SLITRK4: variants seen among roughly 807,000 people sequenced by gnomAD.
The protein encoded by SLITRK4 is SLIT and NTRK-like protein 4.
Under a neutral mutation model 34.7 loss-of-function variants are expected in SLITRK4, and 7 were observed. The ratio of observed to expected loss-of-function variants is 0.20; its 90% CI spans 0.11 to 0.38. The LOEUF is 0.38. Among genes scored for constraint, SLITRK4 ranks in the 10% least tolerant of loss-of-function variants. SLITRK4 has a pLI of 1.00. For synonymous variants in SLITRK4, 237 were observed against 246.2 expected (o/e 0.96, Z 0.35); for missense variants, 474 against 607.0 (o/e 0.78, Z 2.30).
In SLITRK4 at chrX:143,635,719, A is replaced by C. The variant is rs1312635210; in HGVS notation, c.-51+16T>G. On this transcript the variant is annotated intron_variant, in intron 1 of 1. Transcript: ENST00000356928. Reference sequence around the variant, plus strand: ...TGCAACAATCATACTTGGATTTTGTATCACGGGTACGGTACCTTTGGCTAA... The same window carrying C: ...TGCAACAATCATACTTGGATTTTGTCTCACGGGTACGGTACCTTTGGCTAA... The C allele has an allele frequency of 9.0e-6, 1 of 110,718 alleles. No individual in the cohort carries two copies. Among genetic ancestry groups the C allele is most frequent in the Non-Finnish European group, 1.9e-5 (1 of 52,923 alleles). The allele number at this position is 110,718 out of a possible 1,213,427, so 9.1% of individuals were successfully genotyped here.
intron 1 of SLITRK4, among the ~76,000 whole-genome samples, chrX:143,634,065 G>T (rs1364898619): frequency 1.8e-5 from 2 of 112,475 alleles, no homozygotes; most frequent in East Asian, 2.8e-4. Flanking sequence ...CGTGCGGTGG[G>T]TGAGGAGGAA....
chrX:143,634,906 C>T (rs1556430567), intron 1 of SLITRK4: 1 of 109,680 alleles, frequency 9.1e-6, no homozygotes, highest in African/African-American at 3.3e-5. Flanking sequence ...TGGTGCAGGG[C>T]CCGCGGCGCC....
chrX:143,630,211 C>T lies in SLITRK4; in HGVS notation c.898G>A (p.Val300Ile), dbSNP rs1930974663. The T allele has an allele frequency of 8.3e-7, 1 of 1,209,870 alleles. No individual in the cohort carries two copies. The highest frequency in any genetic ancestry group is 1.1e-6 in the Non-Finnish European group (1 of 895,302). Residue 300 changes from valine to isoleucine, a missense_variant, in exon 2 of 2, where the codon GTA (valine) becomes ATA (isoleucine). Val to Ile is a conservative substitution (Grantham distance 29, BLOSUM62 3). Around this residue, in one of 3 missense-constraint regions of SLITRK4, gnomAD observed 345 missense variants for 406.5 expected, o/e 0.85. Transcript: ENST00000356928. ...HTTQTSLHRL[V>I]TKPPKTTNPS... ...TTTGTTGTTTTTGGTGGTTTAGTTA[C>T]TAATCTGTGTAAAGATGTTTGGGTA...
chrX:143,625,217 G>T lies in SLITRK4; in HGVS notation c.*3378C>A, dbSNP rs781957436. 9.1e-6 allele frequency: 1 copy of T among 110,304 alleles called. No homozygotes were observed. Among genetic ancestry groups the T allele is most frequent in the Non-Finnish European group, 1.9e-5 (1 of 52,469 alleles). 9.1% of individuals were successfully genotyped at this position (110,304 alleles called of 1,213,427 possible). ...TTAAAAAAAGCAACAAAAGAAAGATGGTCTTAAATAAATTTCTAATTCATA... is the reference window on the plus strand; with the variant it reads ...TTAAAAAAAGCAACAAAAGAAAGATTGTCTTAAATAAATTTCTAATTCATA... On this transcript the variant is annotated 3_prime_UTR_variant, in exon 2 of 2. Coordinates refer to ENST00000356928, the MANE Select transcript of SLITRK4 (RefSeq NM_001184749.3).
At chrX:143,633,129 G>A (rs1931100649) in intron 1 of SLITRK4, among the ~76,000 whole-genome samples, 1 of 110,846 alleles carries the variant, frequency 9.0e-6, no homozygotes, top group South Asian at 3.8e-4. Context: ...GCAAGGGGGG[G>A]AAAAGGCACT....
chrX:143,624,250 G>A lies in SLITRK4; in HGVS notation c.*4345C>T, dbSNP rs1377854173. 9.0e-6 allele frequency: 1 copy of A among 111,673 alleles called. No individual in the cohort carries two copies. Among genetic ancestry groups the A allele is most frequent in the Non-Finnish European group, 1.9e-5 (1 of 52,991 alleles). 9.2% of individuals were successfully genotyped at this position (111,673 alleles called of 1,213,427 possible). A position where few individuals can be genotyped will look rare whatever the true frequency, so the allele number is the denominator to read the frequency against. ...GTAAAGTCATGGATTGATAATTTTG[G>A]TCATCTTTAAAAGAACCAAATACAA... On this transcript the variant is annotated 3_prime_UTR_variant, in exon 2 of 2. Coordinates refer to ENST00000356928, the MANE Select transcript of SLITRK4 (RefSeq NM_001184749.3).
rs782032244 is a variant in SLITRK4 at position 143,623,247 on chromosome X, T to C, written c.*5348A>G. 1 of 111,029 alleles carries C rather than the reference T, an allele frequency of 9.0e-6. No homozygotes were observed. The highest frequency in any genetic ancestry group is 9.7e-5 in the Admixed American group (1 of 10,331). The allele number at this position is 111,029 out of a possible 1,213,427, so 9.2% of individuals were successfully genotyped here. A position where few individuals can be genotyped will look rare whatever the true frequency, so the allele number is the denominator to read the frequency against. ...TTTCTATTTCTATTTAGGCAGTGTC[T>C]ACAAAAGTAAACTGAAGTGGAGGGT... On this transcript the variant is annotated 3_prime_UTR_variant, in exon 2 of 2. Transcript: ENST00000356928.
At position 143,630,189 on chromosome X, in the gene SLITRK4, G is replaced by A. The variant is rs782336295; in HGVS notation, c.920C>T (p.Thr307Ile). 2 of 1,209,847 alleles carry A rather than the reference G, an allele frequency of 1.7e-6. No individual in the cohort carries two copies. Among genetic ancestry groups the A allele is most frequent in the South Asian group, 1.8e-5 (1 of 56,778 alleles). Residue 307 changes from threonine (T) to isoleucine (I), a missense_variant, in exon 2 of 2, where the codon ACA becomes ATA. Physicochemically the swap from Thr to Ile is moderately conservative, Grantham distance 89. Coordinates refer to ENST00000356928, the MANE Select transcript of SLITRK4 (RefSeq NM_001184749.3). Reference protein sequence around the residue: ...HRLVTKPPKTTNPSKISGIVA... With the variant: ...HRLVTKPPKTINPSKISGIVA... ...GATTCCAGAGATCTTGGAAGGATTT[G>A]TTGTTTTTGGTGGTTTAGTTACTAA...
Position 143,626,138 on chromosome X carries a change from C to T in SLITRK4, c.*2457G>A, listed in dbSNP as rs2124318711. 9.0e-6 allele frequency: 1 copy of T among 111,413 alleles called. No individual in the cohort carries two copies. Among genetic ancestry groups the T allele is most frequent in the East Asian group, 2.8e-4 (1 of 3,533 alleles). The allele number at this position is 111,413 out of a possible 1,213,427, so 9.2% of individuals were successfully genotyped here. Reference sequence around the variant, plus strand: ...CTCCTATAAGTGTCTATTTAAGATCCTTCAAGCCATACTTTATTGACAGAC... The same window carrying T: ...CTCCTATAAGTGTCTATTTAAGATCTTTCAAGCCATACTTTATTGACAGAC... On this transcript the variant is annotated 3_prime_UTR_variant, in exon 2 of 2. Coordinates refer to ENST00000356928, the MANE Select transcript of SLITRK4 (RefSeq NM_001184749.3).
intron 1 of SLITRK4, among the ~76,000 whole-genome samples, chrX:143,632,519 A>G (rs1433481870): frequency 4.5e-5 from 5 of 112,101 alleles, no homozygotes; most frequent in African/African-American, 1.6e-4. Context: ...TCCAAATATT[A>G]ATTAAATACA....
In SLITRK4 at chrX:143,630,520, C is replaced by T. The variant is rs1556427931; in HGVS notation, c.589G>A (p.Gly197Arg). The T allele has an allele frequency of 8.3e-7, 1 of 1,211,419 alleles. No individual in the cohort carries two copies. Among genetic ancestry groups the T allele is most frequent in the Non-Finnish European group, 1.1e-6 (1 of 895,405 alleles). ...ACACGGCCAATGTGTTCCAGAACCC[C>T]GATATAAGGGAGCTTCTGGATTCTG... The part of the protein sequence containing the change: ...GNRIQKLPYI[G>R]VLEHIGRVVE... Residue 197 changes from glycine (G) to arginine (R), a missense_variant, in exon 2 of 2, where the codon GGG becomes AGG. Physicochemically the swap from Gly to Arg is moderately radical, Grantham distance 125. This residue lies in a region of SLITRK4 where 45 missense variants were observed against 99.2 expected (regional missense o/e 0.45). Coordinates refer to ENST00000356928, the MANE Select transcript of SLITRK4 (RefSeq NM_001184749.3).
Position 143,627,714 on chromosome X carries a change from A to C in SLITRK4, c.*881T>G, listed in dbSNP as rs1930841823. The stretch of plus-strand genomic sequence containing the variant: ...ACTTCATAAATATGAATTATGTTAC[A>C]AAAATAGCTTTGGGTGCGCTCACAC... On this transcript the variant is annotated 3_prime_UTR_variant, in exon 2 of 2. Coordinates refer to ENST00000356928, the MANE Select transcript of SLITRK4 (RefSeq NM_001184749.3). 1 of 111,415 alleles carries C rather than the reference A, an allele frequency of 9.0e-6. No homozygotes were observed. The highest frequency in any genetic ancestry group is 3.3e-5 in the African/African-American group (1 of 30,662). 9.2% of individuals were successfully genotyped at this position (111,415 alleles called of 1,213,427 possible).
In SLITRK4 at chrX:143,629,278, G is replaced by T; in HGVS notation, c.1831C>A (p.Pro611Thr). 1 of 1,212,075 alleles carries T rather than the reference G, an allele frequency of 8.3e-7. No individual in the cohort carries two copies. Among genetic ancestry groups the T allele is most frequent in the Admixed American group, 2.2e-5 (1 of 46,068 alleles). Residue 611 changes from proline to threonine, a missense_variant, in exon 2 of 2, where the codon CCT (proline) becomes ACT (threonine). Physicochemically the swap from Pro to Thr is conservative, Grantham distance 38 (BLOSUM62 -1). This residue lies in a region of SLITRK4 where 345 missense variants were observed against 406.5 expected (regional missense o/e 0.85). Transcript: ENST00000356928. ...ATAGACAGAGGCACTGGCCCACCAGGAGGACTTCGAATGGGACCCAAAGGA... is the reference window on the plus strand; with the variant it reads ...ATAGACAGAGGCACTGGCCCACCAGTAGGACTTCGAATGGGACCCAAAGGA... ...TTPLGPIRSPPGGPVPLSILI... is the reference protein window; with the variant it reads ...TTPLGPIRSPTGGPVPLSILI...
In SLITRK4 at chrX:143,635,884, G is replaced by T. The variant is rs1181738424; in HGVS notation, c.-200C>A. 1 of 109,841 alleles carries T rather than the reference G, an allele frequency of 9.1e-6. No individual in the cohort carries two copies. Among genetic ancestry groups the T allele is most frequent in the Non-Finnish European group, 1.9e-5 (1 of 52,739 alleles). 9.1% of individuals were successfully genotyped at this position (109,841 alleles called of 1,213,427 possible). On this transcript the variant is annotated 5_prime_UTR_variant, in exon 1 of 2. Coordinates refer to ENST00000356928, the MANE Select transcript of SLITRK4 (RefSeq NM_001184749.3). ...ACCTGTCTGCGCGTAAGGGGCCAGG[G>T]GCTTTAAGGCGAAAGTGTGAGGCTT...
At chrX:143,632,564 G>A (rs372731347) in intron 1 of SLITRK4, among the ~76,000 whole-genome samples, 3 of 111,972 alleles carry the variant, frequency 2.7e-5, no homozygotes, top group East Asian at 5.6e-4. Context: ...AGGAAATGAT[G>A]CAAAGAAAGA....
Position 143,628,064 on chromosome X carries a change from T to TACTATCGAG in SLITRK4, c.*522_*530dup. 3.6e-6 allele frequency: 1 copy of TACTATCGAG among 276,164 alleles called. No individual in the cohort carries two copies. The highest frequency in any genetic ancestry group is 6.2e-6 in the Non-Finnish European group (1 of 161,464). The allele number at this position is 276,164 out of a possible 1,213,427, so 22.8% of individuals were successfully genotyped here. A position where few individuals can be genotyped will look rare whatever the true frequency, so the allele number is the denominator to read the frequency against. On this transcript the variant is annotated 3_prime_UTR_variant, in exon 2 of 2. Transcript: ENST00000356928. The stretch of plus-strand genomic sequence containing the variant: ...GCCATAAAGGTTACCAATTTACAAA[T>TACTATCGAG]ACTATCGAGTGTTCTCTCTTTGCAT...
intron 1 of SLITRK4, among the ~76,000 whole-genome samples, chrX:143,635,481 AACAC>A (rs782006427): frequency 0.031 from 1,719 of 55,184 alleles, 50 homozygotes; most frequent in African/African-American, 0.063. Context: ...ATAACGAAGG[AACAC>A]ACACACACAC....
rs1930983767 is a variant in SLITRK4, at chrX:143,630,341, G to C, written c.768C>G (p.Thr256=). The change falls in exon 2 of 2, where the codon ACC becomes ACG. Residue 256 remains threonine (T), a synonymous_variant. Transcript: ENST00000356928. ...CCATGGGACATAGCTCTTGTTTGTT[G>C]GTTTCTTTTAAAAGCCTTCCATATA... ...SDLYGRLLKE[T]NKQELCPMGT... is the part of the protein sequence containing the mutation. The C allele has an allele frequency of 1.7e-6, 2 of 1,209,621 alleles. No homozygotes were observed. The highest frequency in any genetic ancestry group is 2.2e-6 in the Non-Finnish European group (2 of 895,226).
In SLITRK4 at chrX:143,629,038, T is replaced by C; in HGVS notation, c.2071A>G (p.Ile691Val). 1 of 1,212,040 alleles carries C rather than the reference T, an allele frequency of 8.3e-7. No homozygotes were observed. The highest frequency in any genetic ancestry group is 1.1e-6 in the Non-Finnish European group (1 of 895,604). ...GTGTGGCTCTTGCTCATCTGTTCTA[T>C]AGTTTGTGGAATGAAAGCTTCTGTG... ...LSTEAFIPQT[I>V]EQMSKSHTCG... The change falls in exon 2 of 2, where the codon ATA becomes GTA. Residue 691 changes from isoleucine (I) to valine (V), a missense_variant. Physicochemically the swap from Ile to Val is conservative, Grantham distance 29 (BLOSUM62 3). Coordinates refer to ENST00000356928, the MANE Select transcript of SLITRK4 (RefSeq NM_001184749.3).
Sources: allele counts gnomAD v4.1 joint callset (sites outside exome capture counted in the v4.1 genomes callset), GRCh38; gene constraint gnomAD v4.1.1; regional missense constraint gnomAD v4.1.1; transcripts MANE v1.5; gene names NCBI Gene and HGNC (gene_info 2026-07-23, HGNC 2026-07-21).